SLAMF1: variants seen among roughly 807,000 people sequenced by gnomAD.
SLAMF1 encodes the protein signaling lymphocytic activation molecule.
In SLAMF1, 18 loss-of-function variants were observed where a neutral mutation model predicts 35.1. The observed-to-expected ratio is 0.51, with a 90% CI of 0.35 to 0.76. SLAMF1 has a LOEUF of 0.76. Among genes scored for constraint, SLAMF1 ranks in the 30% least tolerant of loss-of-function variants. The pLI is 0.01. For synonymous variants in SLAMF1, 168 were observed against 157.2 expected, an observed-to-expected ratio of 1.07 and a Z score of -0.51; for missense variants, 392 against 413.0, an observed-to-expected ratio of 0.95 and a Z score of 0.44.
intron 3 of SLAMF1, among the ~76,000 whole-genome samples, chr1:160,629,658 C>T (rs1412343278): frequency 1.3e-5 from 2 of 152,196 alleles, no homozygotes; most frequent in African/African-American, 4.8e-5. Context: ...TACAACCTGC[C>T]TATCCCACCC....
Position 160,624,123 on chromosome 1 carries a change from C to A in SLAMF1, c.763G>T (p.Val255Leu). 6.2e-7 allele frequency: 1 copy of A among 1,607,224 alleles called. No homozygotes were observed. The highest frequency in any genetic ancestry group is 2.2e-5 in the East Asian group (1 of 44,648). ...LGGVIMILIM[V>L]VILQLRRRGK... ...CTTCTTCTCAACTGTAGTATTACCA[C>A]CATGATGAGAATCATGATGACACCC... The change falls in exon 4 of 7, where the codon GTG becomes TTG. Residue 255 changes from valine to leucine, a missense_variant. Physicochemically the swap from Val to Leu is conservative, Grantham distance 32. Coordinates refer to ENST00000302035, the MANE Select transcript of SLAMF1 (RefSeq NM_003037.5).
intron 3 of SLAMF1, among the ~76,000 whole-genome samples, chr1:160,631,247 C>A (rs1454824239): frequency 6.6e-6 from 1 of 152,194 alleles, no homozygotes; most frequent in Non-Finnish European, 1.5e-5. Context: ...TGGTATACTG[C>A]GCAGGGCAGG....
At chr1:160,643,358 G>A (rs750032138) in intron 1 of SLAMF1, among the ~76,000 whole-genome samples, 1 of 152,130 alleles carries the variant, frequency 6.6e-6, no homozygotes, top group Non-Finnish European at 1.5e-5. Flanking sequence ...GCTTATGCTG[G>A]CCTGCTTAGG....
At chr1:160,628,965 C>G (rs779652995) in intron 3 of SLAMF1, among the ~76,000 whole-genome samples, 6 of 152,190 alleles carry the variant, frequency 3.9e-5, no homozygotes, top group East Asian at 1.9e-4. Context: ...TGTAGTGAGG[C>G]CTCTCTGGAT....
At chr1:160,643,925 A>G (rs976592104) in intron 1 of SLAMF1, among the ~76,000 whole-genome samples, 1 of 152,232 alleles carries the variant, frequency 6.6e-6, no homozygotes, top group Non-Finnish European at 1.5e-5. Flanking sequence ...TGGAAGGGAA[A>G]TTAGTCTTCA....
intron 4 of SLAMF1, among the ~76,000 whole-genome samples, 186 bp from the exon 5 acceptor site, chr1:160,620,035 G>T (rs1290113579): frequency 6.6e-6 from 1 of 152,152 alleles, no homozygotes; most frequent in Non-Finnish European, 1.5e-5. Flanking sequence ...GATCACTCTA[G>T]GCCTATCTGT....
rs1660300692 is a variant in SLAMF1 at position 160,634,066 on chromosome 1, G to A, written c.700+547C>T. 2.0e-5 allele frequency among the ~76,000 whole-genome samples: 3 copies of A among 152,198 alleles called. No homozygotes were observed. The South Asian group carries it at 6.2e-4, about 32-fold the overall frequency. ...TTCTGACTCCCCTGGCCCTGCTATG[G>A]GATTCACAGTCCATTCCATAAAACG... On this transcript the variant is annotated intron_variant, in intron 3 of 6. Transcript: ENST00000302035.
At chr1:160,643,304 T>C (rs1008150118) in intron 1 of SLAMF1, among the ~76,000 whole-genome samples, 7 of 152,118 alleles carry the variant, frequency 4.6e-5, no homozygotes, top group African/African-American at 1.7e-4. Flanking sequence ...GACTCCAAGT[T>C]CTGGGGCTCA....
At chr1:160,626,291 T>A (rs1233393711) in intron 3 of SLAMF1, among the ~76,000 whole-genome samples, 1 of 152,218 alleles carries the variant, frequency 6.6e-6, no homozygotes, top group Non-Finnish European at 1.5e-5. Flanking sequence ...GTTGCTCTGC[T>A]GCCCACCAAC....
At position 160,610,508 on chromosome 1, in the gene SLAMF1, T is replaced by C. The variant is rs1658921570; in HGVS notation, c.*240A>G. Reference sequence around the variant, plus strand: ...ACAACACAAAGATGGAACGCTGTTATCAAGTAACGCTCTGTTCTGCGCCTG... The same window carrying C: ...ACAACACAAAGATGGAACGCTGTTACCAAGTAACGCTCTGTTCTGCGCCTG... On this transcript the variant is annotated 3_prime_UTR_variant, in exon 7 of 7. Coordinates refer to ENST00000302035, the MANE Select transcript of SLAMF1 (RefSeq NM_003037.5). The C allele has an allele frequency of 1.8e-6, 1 of 558,440 alleles. No individual in the cohort carries two copies. The highest frequency in any genetic ancestry group is 1.9e-5 in the African/African-American group (1 of 53,436). 34.6% of individuals were successfully genotyped at this position (558,440 alleles called of 1,614,324 possible). A position where few individuals can be genotyped will look rare whatever the true frequency, so the allele number is the denominator to read the frequency against.
At position 160,608,595 on chromosome 1, in the gene SLAMF1, C is replaced by T. The variant is rs1658819190; in HGVS notation, c.*2153G>A. 6.6e-6 allele frequency: 1 copy of T among 152,190 alleles called. No individual in the cohort carries two copies. Among genetic ancestry groups the T allele is most frequent in the Non-Finnish European group, 1.5e-5 (1 of 68,062 alleles). 9.4% of individuals were successfully genotyped at this position (152,190 alleles called of 1,614,324 possible). A position where few individuals can be genotyped will look rare whatever the true frequency, so the allele number is the denominator to read the frequency against. ...TCCCTCCCCAGTGAGGTCTTGAGCC[C>T]AGGGGTGCAGGATACTTGGAAGTGA... On this transcript the variant is annotated 3_prime_UTR_variant, in exon 7 of 7. Coordinates refer to ENST00000302035, the MANE Select transcript of SLAMF1 (RefSeq NM_003037.5).
intron 1 of SLAMF1, among the ~76,000 whole-genome samples, chr1:160,643,056 C>T (rs1023480558): frequency 7.9e-5 from 12 of 152,162 alleles, no homozygotes; most frequent in South Asian, 2.1e-4. Context: ...CCCACTTCCC[C>T]CTAGGATGAT....
At position 160,624,139 on chromosome 1, in the gene SLAMF1, G is replaced by A. The variant is rs1659758324; in HGVS notation, c.747C>T (p.Ile249=). Residue 249 remains isoleucine, a synonymous_variant, in exon 4 of 7, where the codon ATC becomes ATT. Coordinates refer to ENST00000302035, the MANE Select transcript of SLAMF1 (RefSeq NM_003037.5). ...AVYAGLLGGV[I]MILIMVVILQ... Reference sequence around the variant, plus strand: ...GTATTACCACCATGATGAGAATCATGATGACACCCCCTAACAGCCCAGCAT... The same window carrying A: ...GTATTACCACCATGATGAGAATCATAATGACACCCCCTAACAGCCCAGCAT... 1 of 1,611,006 alleles carries A rather than the reference G, an allele frequency of 6.2e-7. No individual in the cohort carries two copies. The highest frequency in any genetic ancestry group is 1.3e-5 in the African/African-American group (1 of 74,650).
chr1:160,635,658 A>G (rs1338131053), intron 2 of SLAMF1, among the ~76,000 whole-genome samples: 5 of 140,578 alleles, frequency 3.6e-5, no homozygotes, highest in South Asian at 4.5e-4. Context: ...TGCAAGCTCC[A>G]CCTCCTGGGT....
In SLAMF1 at chr1:160,634,892, C is replaced by T. The variant is rs531886302; in HGVS notation, c.421G>A (p.Val141Ile). The change falls in exon 3 of 7, where the codon GTC becomes ATC. Residue 141 changes from valine to isoleucine, a missense_variant. Physicochemically the swap from Val to Ile is conservative, Grantham distance 29 (BLOSUM62 3). Transcript: ENST00000302035. Reference sequence around the variant, plus strand: ...AAAACTTTAATTTCTGGAGTGGAGACCTGCTCTGTCAGGAGTGGGAGGAAG... The same window carrying T: ...AAAACTTTAATTTCTGGAGTGGAGATCTGCTCTGTCAGGAGTGGGAGGAAG... ...FCLQLRLYEQVSTPEIKVLNK... is the reference protein window; with the variant it reads ...FCLQLRLYEQISTPEIKVLNK... 17 of 1,609,294 alleles carry T rather than the reference C, an allele frequency of 1.1e-5. 1 individual carries two copies. In the South Asian group the frequency reaches 1.7e-4, roughly 16 times the overall value.
chr1:160,646,122 G>A (rs1033622429), intron 1 of SLAMF1, among the ~76,000 whole-genome samples: 2 of 152,092 alleles, frequency 1.3e-5, no homozygotes, highest in African/African-American at 4.8e-5. Flanking sequence ...AGCCTGCCTT[G>A]GGAAGAAGAT....
chr1:160,645,731 G>A (rs1661006911), intron 1 of SLAMF1, among the ~76,000 whole-genome samples: 1 of 152,142 alleles, frequency 6.6e-6, no homozygotes, highest in African/African-American at 2.4e-5. Flanking sequence ...CTAGACCTTG[G>A]GAAGTACGAG....
rs560878071 is a variant in SLAMF1, at chr1:160,636,449, A to C, written c.415+742T>G. Among the ~76,000 whole-genome samples the C allele has an allele frequency of 1.4e-4, 21 of 152,354 alleles. No individual in the cohort carries two copies. In the Middle Eastern group the frequency reaches 0.01, roughly 74 times the overall value. ...AGAAGCAGGAAAGCCCCATGTGGCT[A>C]TCAGGATCCCTGGGAATTCAGATGA... On this transcript the variant is annotated intron_variant, in intron 2 of 6. Transcript: ENST00000302035.
chr1:160,632,221 G>GAC (rs138381382), intron 3 of SLAMF1, among the ~76,000 whole-genome samples: 11 of 151,960 alleles, frequency 7.2e-5, no homozygotes, highest in East Asian at 5.8e-4. Flanking sequence ...AGTTCTTATT[G>GAC]ACACACACAC....
Sources: gnomAD v4.1 joint callset for allele counts (sites outside exome capture counted in the v4.1 genomes callset) on GRCh38, gnomAD v4.1.1 for gene constraint, MANE v1.5 for transcripts, NCBI Gene and HGNC (gene_info 2026-07-23, HGNC 2026-07-21) for gene names.